Variants in MBTPS1 observed in about 807,000 individuals in gnomAD.
The protein encoded by MBTPS1 is membrane-bound transcription factor site-1 protease.
MBTPS1 carries 94 observed loss-of-function variants against 127.8 expected under a neutral mutation model. The observed-to-expected ratio is 0.74, with a 90% CI of 0.62 to 0.87. The LOEUF (loss-of-function observed/expected upper bound fraction) is 0.87, where lower values mean the gene tolerates loss of function less well. Ranked by LOEUF, MBTPS1 falls within the 40% of genes least tolerant of loss-of-function variation. The pLI, the probability that MBTPS1 is intolerant of heterozygous loss-of-function variation, is 0.00. For synonymous variants in MBTPS1, 632 were observed against 509.4 expected (o/e 1.24, Z -3.24); for missense variants, 1,636 against 1,353.2 (o/e 1.21, Z -3.28).
intron 1 of MBTPS1, among the ~76,000 whole-genome samples, chr16:84,111,054 T>G (rs909567216): frequency 6.6e-6 from 1 of 152,162 alleles, no homozygotes; most frequent in Admixed American, 6.5e-5. Flanking sequence ...GATGCTCACA[T>G]CCTCATTCCT....
chr16:84,083,083 A>G (rs1450416629), intron 10 of MBTPS1, among the ~76,000 whole-genome samples: 1 of 152,222 alleles, frequency 6.6e-6, no homozygotes, highest in Non-Finnish European at 1.5e-5. Context: ...AACAGCAGAG[A>G]GCTGACGGGC....
At chr16:84,081,956 G>A (rs3743632) in intron 10 of MBTPS1, 48 bp from the exon 11 acceptor site, 406,890 of 1,327,126 alleles carry the variant, frequency 0.31, 63,584 homozygotes, top group East Asian at 0.43. Context: ...TAAAAGAATG[G>A]AAATTGGACC....
Position 84,081,852 on chromosome 16 carries a change from G to A in MBTPS1, c.1343C>T (p.Ala448Val), listed in dbSNP as rs1350687564. 9.8e-6 allele frequency: 15 copies of A among 1,524,150 alleles called. No individual in the cohort carries two copies. Among genetic ancestry groups the A allele is most frequent in the Admixed American group, 4.3e-5 (2 of 46,650 alleles). The allele number at this position is 1,524,150 out of a possible 1,614,324, so 94.4% of individuals were successfully genotyped here. The change falls in exon 11 of 23, where the codon GCG (alanine) becomes GTG (valine). Residue 448 changes from alanine to valine, a missense_variant. By Grantham distance (64) the Ala-to-Val change is moderately conservative. Transcript: ENST00000343411. ...GACCCCGGGGAGCCTCCGGGCTGAC[G>A]CGATCAGGGCCTGCTTCATACTGGC... is the stretch of plus-strand genomic sequence containing the variant. ...NPASMKQALI[A>V]SARRLPGVNM...
intron 22 of MBTPS1, among the ~76,000 whole-genome samples, chr16:84,055,460 G>A (rs2085508530): frequency 6.6e-6 from 1 of 152,232 alleles, no homozygotes; most frequent in African/African-American, 2.4e-5. Flanking sequence ...TTGGGTAGTG[G>A]AGAAGAACCT....
At position 84,095,644 on chromosome 16, in the gene MBTPS1, G is replaced by A; in HGVS notation, c.583C>T (p.Gln195Ter). The change falls in exon 4 of 23, where the codon CAG (glutamine) becomes TAG (stop). Residue 195 changes from glutamine (Q) to a stop codon, truncating the protein, a stop_gained. Transcript: ENST00000343411. LOFTEE classifies it high-confidence loss of function. ...CAGAGCACATCTGCCTGCAGTGTCT[G>A]GGCAACCTGGCGCGGGATGGCTCTC... ...LLRAIPRQVA[Q>*]TLQADVLWQM... 2 of 1,614,220 alleles carry A rather than the reference G, an allele frequency of 1.2e-6. No individual in the cohort carries two copies. Among genetic ancestry groups the A allele is most frequent in the Non-Finnish European group, 8.5e-7 (1 of 1,180,028 alleles).
chr16:84,066,104 T>C (rs1163081963), intron 17 of MBTPS1, among the ~76,000 whole-genome samples: 2 of 152,234 alleles, frequency 1.3e-5, no homozygotes, highest in East Asian at 3.9e-4. Flanking sequence ...GTAGTAAGAA[T>C]GCTTACGACG....
chr16:84,087,555 C>A, intron 8 of MBTPS1, 95 bp from the exon 9 acceptor site: 1 of 777,312 alleles, frequency 1.3e-6, no homozygotes. Flanking sequence ...GCGAATACTC[C>A]CAGAACAATC....
chr16:84,073,360 T>C (rs2085801850), intron 12 of MBTPS1, among the ~76,000 whole-genome samples: 1 of 152,082 alleles, frequency 6.6e-6, no homozygotes, highest in South Asian at 2.1e-4. Flanking sequence ...TCTCGATCTC[T>C]TGACCTCGTG....
intron 1 of MBTPS1, among the ~76,000 whole-genome samples, chr16:84,105,184 G>A (rs985172806): frequency 2.0e-5 from 3 of 152,086 alleles, no homozygotes; most frequent in Non-Finnish European, 4.4e-5. Context: ...TAAATGTGGG[G>A]TATGTGGAAA....
chr16:84,074,207 T>C (rs923401943), intron 12 of MBTPS1, among the ~76,000 whole-genome samples: 7 of 151,972 alleles, frequency 4.6e-5, no homozygotes, highest in South Asian at 2.1e-4. Context: ...CTACTTCCAA[T>C]AGCCCTGGTA....
rs2085963382 is a variant in MBTPS1 at position 84,083,028 on chromosome 16, G to A, written c.1287-1120C>T. On this transcript the variant is annotated intron_variant, in intron 10 of 22. Transcript: ENST00000343411. ...GTTGCTGAAAATATCTGTACTTAAA[G>A]AAGCTGCTGGGAAAAGGAACAACCC... Among the ~76,000 whole-genome samples, 3 of 152,302 alleles carry A rather than the reference G, an allele frequency of 2.0e-5. No individual in the cohort carries two copies. The South Asian group carries it at 6.2e-4, about 32-fold the overall frequency.
At chr16:84,103,702 T>C (rs185694027) in intron 1 of MBTPS1, among the ~76,000 whole-genome samples, 20 of 152,260 alleles carry the variant, frequency 1.3e-4, no homozygotes, top group Non-Finnish European at 2.4e-4. Flanking sequence ...CTTCTACGAG[T>C]AGAAAAACAT....
intron 21 of MBTPS1, chr16:84,056,418 C>T: frequency 3.5e-6 from 1 of 288,578 alleles, no homozygotes; most frequent in Non-Finnish European, 6.6e-6. Flanking sequence ...TAAACATGAC[C>T]AAGCGCCTCG....
chr16:84,112,160 C>T (rs927184408), intron 1 of MBTPS1, among the ~76,000 whole-genome samples: 1 of 152,070 alleles, frequency 6.6e-6, no homozygotes, highest in Admixed American at 6.5e-5. Flanking sequence ...GGAGATAAAG[C>T]CACTGCATTC....
At chr16:84,079,123 C>T (rs778663506) in intron 11 of MBTPS1, among the ~76,000 whole-genome samples, 1 of 152,180 alleles carries the variant, frequency 6.6e-6, no homozygotes, top group African/African-American at 2.4e-5. Context: ...GGGACCTCCC[C>T]GCTCTCTTGC....
At position 84,072,233 on chromosome 16, in the gene MBTPS1, T is replaced by G. The variant is rs940155056; in HGVS notation, c.1594-1457A>C. The stretch of plus-strand genomic sequence containing the variant: ...GCCGGGCACAAAAGGACAGATGCTA[T>G]AGGATTCCATTGATGTGAGAAGTCC... On this transcript the variant is annotated intron_variant, in intron 12 of 22. Coordinates refer to ENST00000343411, the MANE Select transcript of MBTPS1 (RefSeq NM_003791.4). 2.0e-5 allele frequency: 3 copies of G among 152,296 alleles called. No individual in the cohort carries two copies. The East Asian group carries it at 5.8e-4, about 30-fold the overall frequency. 9.4% of individuals were successfully genotyped at this position (152,296 alleles called of 1,614,324 possible).
At chr16:84,086,581 G>A (rs928003094) in intron 9 of MBTPS1, 2 of 152,290 alleles carry the variant, frequency 1.3e-5, no homozygotes, top group Non-Finnish European at 2.9e-5. Context: ...CAGGCAGAAG[G>A]CTATCCTGTA....
intron 1 of MBTPS1, among the ~76,000 whole-genome samples, chr16:84,106,953 G>C (rs1302992532): frequency 6.6e-6 from 1 of 152,190 alleles, no homozygotes; most frequent in Non-Finnish European, 1.5e-5. Flanking sequence ...TGGACCAGTG[G>C]TGCTTGCCCC....
chr16:84,112,667 AAACAAAAAAAAAC>A (rs1282217736), intron 1 of MBTPS1, among the ~76,000 whole-genome samples: 4 of 149,772 alleles, frequency 2.7e-5, no homozygotes, highest in African/African-American at 9.8e-5. Flanking sequence ...GTCTCAAAAA[AAACAAAAAAAAAC>A]AAAAAAAGAA....
Sources: gnomAD v4.1 joint callset for allele counts (sites outside exome capture counted in the v4.1 genomes callset) on GRCh38, gnomAD v4.1.1 for gene constraint, MANE v1.5 for transcripts, NCBI Gene and HGNC (gene_info 2026-07-23, HGNC 2026-07-21) for gene names.